NXPE1: variants seen among roughly 807,000 people sequenced by gnomAD.
The protein encoded by NXPE1 is neurexophilin and PC-esterase domain family member 1.
In NXPE1, 31 loss-of-function variants were observed where a neutral mutation model predicts 33.3. That is an observed-to-expected ratio of 0.93 (90% CI 0.70 to 1.26). The LOEUF is 1.26. Ranked by LOEUF, NXPE1 falls within the 50% of genes most tolerant of loss-of-function variation. NXPE1 has a pLI of 0.00. For synonymous variants in NXPE1, 229 were observed against 231.4 expected (o/e 0.99, Z 0.09); for missense variants, 661 against 655.6 (o/e 1.01, Z -0.09).
chr11:114,556,507 C>T (rs1202670095), intron 1 of NXPE1, among the ~76,000 whole-genome samples: 2 of 151,888 alleles, frequency 1.3e-5, no homozygotes, highest in Non-Finnish European at 2.9e-5. Flanking sequence ...CATCTCCAGG[C>T]TGCAAGTCTG....
chr11:114,521,686 A>G lies in NXPE1; in HGVS notation c.*282T>C, dbSNP rs1947214660. 8.8e-6 allele frequency: 3 copies of G among 340,030 alleles called. No homozygotes were observed. In the South Asian group the frequency reaches 1.6e-4, roughly 18 times the overall value. 21.1% of individuals were successfully genotyped at this position (340,030 alleles called of 1,614,324 possible). ...GAAATAGAAAGCATCATGAATTTGT[A>G]CAGATATTTTCAAATCAGCTTAATA... On this transcript the variant is annotated 3_prime_UTR_variant, in exon 9 of 9. Transcript: ENST00000534921.
chr11:114,535,450 A>G (rs1227609309), intron 5 of NXPE1, among the ~76,000 whole-genome samples: 3 of 152,226 alleles, frequency 2.0e-5, no homozygotes, highest in African/African-American at 4.8e-5. Flanking sequence ...ATAAATGTAA[A>G]TGCGCTAAAT....
chr11:114,528,159 T>C (rs143535468), intron 6 of NXPE1, among the ~76,000 whole-genome samples: 1 of 152,270 alleles, frequency 6.6e-6, no homozygotes, highest in Non-Finnish European at 1.5e-5. Context: ...GAATTTTAGA[T>C]TCAAAATATT....
At chr11:114,527,599 T>C (rs886661804) in intron 7 of NXPE1, among the ~76,000 whole-genome samples, 1 of 152,186 alleles carries the variant, frequency 6.6e-6, no homozygotes, top group African/African-American at 2.4e-5. Context: ...GGAGATGAAC[T>C]CTCAGGTTTA....
intron 5 of NXPE1, among the ~76,000 whole-genome samples, chr11:114,546,212 A>T (rs910670578): frequency 2.0e-5 from 3 of 152,218 alleles, no homozygotes; most frequent in African/African-American, 7.2e-5. Context: ...CTCAGTTAAC[A>T]ATTCTGAAAC....
At chr11:114,526,830 A>G (rs778212094) in intron 7 of NXPE1, 4 of 152,212 alleles carry the variant, frequency 2.6e-5, no homozygotes, top group African/African-American at 4.8e-5. Flanking sequence ...TTCTCAATGT[A>G]TATATGACAG....
chr11:114,540,837 CTT>C (rs142403291), intron 5 of NXPE1, among the ~76,000 whole-genome samples: 3 of 47,470 alleles, frequency 6.3e-5, no homozygotes, highest in Non-Finnish European at 9.3e-5. Flanking sequence ...AGAAAGCCAT[CTT>C]TTTTTTTTTT....
At chr11:114,523,233 T>G in intron 7 of NXPE1, 142 bp from the exon 8 acceptor site, 1 of 630,482 alleles carries the variant, frequency 1.6e-6, no homozygotes, top group East Asian at 2.7e-5. Context: ...AGTCCTATTC[T>G]TTGATCATTA....
chr11:114,544,983 A>G (rs1295639541), intron 5 of NXPE1, among the ~76,000 whole-genome samples: 4 of 152,178 alleles, frequency 2.6e-5, no homozygotes, highest in Non-Finnish European at 4.4e-5. Context: ...TTTATTCGTC[A>G]GGGAGACAAA....
chr11:114,537,951 C>T (rs1332458165), intron 5 of NXPE1, among the ~76,000 whole-genome samples: 7 of 151,852 alleles, frequency 4.6e-5, no homozygotes, highest in Non-Finnish European at 1.0e-4. Flanking sequence ...CATATGGAAC[C>T]AAAAAGCCCA....
intron 5 of NXPE1, among the ~76,000 whole-genome samples, chr11:114,534,605 T>G (rs1265585858): frequency 6.6e-6 from 1 of 152,134 alleles, no homozygotes; most frequent in Non-Finnish European, 1.5e-5. Flanking sequence ...CTGATGGAGC[T>G]GAAAACCACA....
intron 2 of NXPE1, among the ~76,000 whole-genome samples, 154 bp from the exon 3 acceptor site, chr11:114,552,239 A>G (rs77831067): frequency 6.6e-6 from 1 of 152,194 alleles, no homozygotes; most frequent in Non-Finnish European, 1.5e-5. Context: ...TGACTTCCCA[A>G]TTACTGAAGC....
intron 6 of NXPE1, 101 bp from the exon 7 acceptor site, chr11:114,528,002 A>G (rs1565298693): frequency 4.0e-6 from 3 of 745,328 alleles, no homozygotes; most frequent in Non-Finnish European, 6.6e-6. Flanking sequence ...AGTTTTCTAT[A>G]ACTGGAAGCT....
downstream of NXPE1, among the ~76,000 whole-genome samples, chr11:114,521,275 G>A (rs1212982032): frequency 1.3e-5 from 2 of 152,106 alleles, no homozygotes; most frequent in Non-Finnish European, 2.9e-5. Flanking sequence ...TTTTATTCTT[G>A]CATGTCTCTT....
intron 7 of NXPE1, among the ~76,000 whole-genome samples, chr11:114,524,733 T>C (rs1565296458): frequency 6.6e-6 from 1 of 152,244 alleles, no homozygotes; most frequent in African/African-American, 2.4e-5. Context: ...GTAAACCCTA[T>C]GTTGTGTAAT....
At chr11:114,530,478 G>A (rs565216267) in exon 6 of NXPE1, 5 of 1,614,092 alleles carry the variant, frequency 3.1e-6, no homozygotes, top group Non-Finnish European at 4.2e-6. Flanking sequence ...CAGAGACAGG[G>A]AGACCTGGCC....
chr11:114,542,887 AAAC>A (rs1948149560), intron 5 of NXPE1, among the ~76,000 whole-genome samples: 1 of 152,224 alleles, frequency 6.6e-6, no homozygotes, highest in Non-Finnish European at 1.5e-5. Context: ...TTATAACACA[AAAC>A]AATATGTCAT....
downstream of NXPE1, among the ~76,000 whole-genome samples, chr11:114,521,392 A>G (rs543816099): frequency 6.6e-6 from 1 of 151,594 alleles, no homozygotes; most frequent in South Asian, 2.1e-4. Flanking sequence ...CAATGAAGAG[A>G]CTCCTTTGGG....
At chr11:114,544,556 C>T (rs955418877) in intron 5 of NXPE1, among the ~76,000 whole-genome samples, 6 of 152,032 alleles carry the variant, frequency 3.9e-5, no homozygotes, top group African/African-American at 1.2e-4. Flanking sequence ...ACAGACCTCA[C>T]AATTGACAGA....
Sources: gnomAD v4.1 joint callset for allele counts (sites outside exome capture counted in the v4.1 genomes callset) on GRCh38, gnomAD v4.1.1 for gene constraint, MANE v1.5 for transcripts, NCBI Gene and HGNC (gene_info 2026-07-23, HGNC 2026-07-21) for gene names.